The following YWHAE variants were observed in gnomAD, a reference collection of about 807,000 sequenced individuals.
YWHAE encodes 14-3-3 protein epsilon.
YWHAE carries 4 observed loss-of-function variants against 30.1 expected under a neutral mutation model. The observed-to-expected ratio is 0.13, with a 90% CI of 0.07 to 0.30. The LOEUF is 0.30. Among genes scored for constraint, YWHAE ranks in the 10% least tolerant of loss-of-function variants. The probability of loss-of-function intolerance (pLI) is 1.00; values close to 1 mark genes in which losing one functional copy is unlikely to be tolerated. For synonymous variants in YWHAE, 118 were observed against 111.8 expected, an observed-to-expected ratio of 1.06 and a Z score of -0.35; for missense variants, 121 against 315.9, an observed-to-expected ratio of 0.38 and a Z score of 4.68.
chr17:1,378,571 T>A (rs2073158131), intron 1 of YWHAE, among the ~76,000 whole-genome samples: 1 of 152,216 alleles, frequency 6.6e-6, no homozygotes, highest in Admixed American at 6.5e-5. Context: ...CTGGGAAGCA[T>A]CAGTTCTGTA....
At chr17:1,387,754 C>A (rs879396223) in intron 1 of YWHAE, among the ~76,000 whole-genome samples, 1 of 151,948 alleles carries the variant, frequency 6.6e-6, no homozygotes, top group Non-Finnish European at 1.5e-5. Context: ...TCCCGAATAG[C>A]TGAGATTACA....
intron 1 of YWHAE, chr17:1,399,804 ACCCCGTCG>A: frequency 9.0e-6 from 1 of 111,202 alleles, no homozygotes; most frequent in Non-Finnish European, 1.6e-5. Flanking sequence ...CAACTCCTCC[ACCCCGTCG>A]CCCCGGCCTC....
At chr17:1,399,199 C>T (rs1280008311) in intron 1 of YWHAE, 1 of 152,086 alleles carries the variant, frequency 6.6e-6, no homozygotes, top group Non-Finnish European at 1.5e-5. Flanking sequence ...CTGGTTCTAT[C>T]CATCAGAACC....
chr17:1,347,331 CAA>C (rs556974192), intron 5 of YWHAE, among the ~76,000 whole-genome samples: 1 of 113,498 alleles, frequency 8.8e-6, no homozygotes. Context: ...GACTCCGTCT[CAA>C]AAAAAAAAAA....
In YWHAE at chr17:1,356,685, G is replaced by A. The variant is rs141559821; in HGVS notation, c.579-2338C>T. On this transcript the variant is annotated intron_variant, in intron 4 of 5. Coordinates refer to ENST00000264335, the MANE Select transcript of YWHAE (RefSeq NM_006761.5). The stretch of plus-strand genomic sequence containing the variant: ...TAGAATGTTTTTACATTGGCTGGGC[G>A]CAGTGGCTCACGCCTGTAATCCCAG... Among the ~76,000 whole-genome samples, 11 of 152,116 alleles carry A rather than the reference G, an allele frequency of 7.2e-5. No individual in the cohort carries two copies. In the East Asian group the frequency reaches 1.7e-3, roughly 24 times the overall value.
At chr17:1,378,126 G>T (rs1233336236) in intron 1 of YWHAE, among the ~76,000 whole-genome samples, 1 of 152,224 alleles carries the variant, frequency 6.6e-6, no homozygotes, top group Non-Finnish European at 1.5e-5. Flanking sequence ...CTTACAAGGT[G>T]CTACTTACTA....
intron 4 of YWHAE, among the ~76,000 whole-genome samples, chr17:1,357,885 C>T (rs564744654): frequency 6.6e-6 from 1 of 151,396 alleles, no homozygotes; most frequent in African/African-American, 2.4e-5. Context: ...TGAGATTGCA[C>T]CACTGCACTC....
At chr17:1,379,254 G>A (rs1199514954) in intron 1 of YWHAE, among the ~76,000 whole-genome samples, 1 of 152,186 alleles carries the variant, frequency 6.6e-6, no homozygotes, top group Non-Finnish European at 1.5e-5. Flanking sequence ...GGAGGATGAA[G>A]CGGGCAGGCT....
chr17:1,399,710 T>C, intron 1 of YWHAE: 1 of 488,606 alleles, frequency 2.0e-6, no homozygotes, highest in Non-Finnish European at 3.7e-6. Context: ...CCCATGAGGG[T>C]GGCTCGTTCG....
chr17:1,380,920 C>G (rs943202764), intron 1 of YWHAE, among the ~76,000 whole-genome samples: 2 of 152,200 alleles, frequency 1.3e-5, no homozygotes, highest in Admixed American at 6.6e-5. Flanking sequence ...CCTTGTTCCC[C>G]TTCTCTACAA....
intron 2 of YWHAE, among the ~76,000 whole-genome samples, chr17:1,364,226 G>T (rs2072907981): frequency 9.9e-6 from 1 of 101,346 alleles, no homozygotes; most frequent in Non-Finnish European, 1.8e-5. Context: ...TGGTTTTTGG[G>T]TGCTTTTTTT....
intron 1 of YWHAE, among the ~76,000 whole-genome samples, chr17:1,365,834 C>A (rs1034628428): frequency 1.1e-4 from 17 of 152,084 alleles, no homozygotes; most frequent in Admixed American, 9.8e-4. Context: ...CATTTTAGGG[C>A]CAGGAGTAAG....
chr17:1,373,897 C>A (rs547075094), intron 1 of YWHAE, among the ~76,000 whole-genome samples: 154 of 152,194 alleles, frequency 1.0e-3, no homozygotes, highest in African/African-American at 3.5e-3. Context: ...GGCTTCTTTC[C>A]CAACACAACC....
At position 1,345,263 on chromosome 17, in the gene YWHAE, G is replaced by A. The variant is rs897401118; in HGVS notation, c.*184C>T. ...GTAAAATCCACAGAAATTCACTCTT[G>A]CCTTTAAGAACTTTTGAAAACTGTT... On this transcript the variant is annotated 3_prime_UTR_variant, in exon 6 of 6. Coordinates refer to ENST00000264335, the MANE Select transcript of YWHAE (RefSeq NM_006761.5). 5 of 599,756 alleles carry A rather than the reference G, an allele frequency of 8.3e-6. No individual in the cohort carries two copies. Among genetic ancestry groups the A allele is most frequent in the Admixed American group, 3.2e-5 (1 of 30,882 alleles). The allele number at this position is 599,756 out of a possible 1,614,324, so 37.2% of individuals were successfully genotyped here. A position where few individuals can be genotyped will look rare whatever the true frequency, so the allele number is the denominator to read the frequency against.
At chr17:1,358,595 T>C (rs1188539294) in intron 4 of YWHAE, among the ~76,000 whole-genome samples, 1 of 151,380 alleles carries the variant, frequency 6.6e-6, no homozygotes, top group East Asian at 2.0e-4. Flanking sequence ...ATCCCAGCAC[T>C]TTGGGAGGGA....
rs1330792999 is a variant in YWHAE at position 1,359,943 on chromosome 17, AG to A, written c.578+1148del. 6.8e-3 allele frequency among the ~76,000 whole-genome samples: 28 copies of A among 4,128 alleles called. 1 individual carries two copies. The highest frequency in any genetic ancestry group is 0.017 in the East Asian group (1 of 58). 2.7% of individuals were successfully genotyped at this position (4,128 alleles called of 152,430 possible). ...GGAGGGGGAGGGGGGGAGGAGGGGG[AG>A]GGGGGGAGAGAGGGGGAGAGAGAGA... On this transcript the variant is annotated intron_variant, in intron 4 of 5. Coordinates refer to ENST00000264335, the MANE Select transcript of YWHAE (RefSeq NM_006761.5).
intron 1 of YWHAE, among the ~76,000 whole-genome samples, chr17:1,394,568 TGCACTTCAGCCTGGGTCACAAAGCAA>T (rs2073439099): frequency 6.6e-6 from 1 of 151,470 alleles, no homozygotes; most frequent in South Asian, 2.1e-4. Context: ...ATGGCGACAC[TGCACTTCAGCCTGGGTCACAAAGCAA>T]GACCCTGTTT....
chr17:1,390,769 G>A (rs8081326), intron 1 of YWHAE, among the ~76,000 whole-genome samples: 16,869 of 152,134 alleles, frequency 0.11, 2,928 homozygotes, highest in African/African-American at 0.37. Flanking sequence ...GCTTTAGCTC[G>A]ATAAAATCCT....
chr17:1,345,210 GTCT>G lies in YWHAE; in HGVS notation c.*234_*236del, dbSNP rs2072495323. ...AAAGCCTCTATGTAGTCCTGTTAGT[GTCT>G]TAAAGAACCTAAAAGCTGGGACCAG... is the stretch of plus-strand genomic sequence containing the variant. On this transcript the variant is annotated 3_prime_UTR_variant, in exon 6 of 6. Transcript: ENST00000264335. 1.8e-6 allele frequency: 1 copy of G among 562,090 alleles called. No individual in the cohort carries two copies. The highest frequency in any genetic ancestry group is 3.3e-5 in the Admixed American group (1 of 29,880). The allele number at this position is 562,090 out of a possible 1,614,324, so 34.8% of individuals were successfully genotyped here.
Sources: gnomAD v4.1 joint callset for allele counts (sites outside exome capture counted in the v4.1 genomes callset) on GRCh38, gnomAD v4.1.1 for gene constraint, MANE v1.5 for transcripts, NCBI Gene and HGNC (gene_info 2026-07-23, HGNC 2026-07-21) for gene names.